Variants in MEOX2 observed in about 807,000 individuals in gnomAD.
MEOX2 encodes mesenchyme homeobox 2.
In MEOX2, 11 loss-of-function variants were observed where a neutral mutation model predicts 27.0. The ratio of observed to expected loss-of-function variants is 0.41; its 90% CI spans 0.26 to 0.68. The LOEUF is 0.68. Among genes scored for constraint, MEOX2 ranks in the 30% least tolerant of loss-of-function variants. MEOX2 has a pLI of 0.33. For synonymous variants in MEOX2, 189 were observed against 155.4 expected, an observed-to-expected ratio of 1.22 and a Z score of -1.61; for missense variants, 436 against 385.4, an observed-to-expected ratio of 1.13 and a Z score of -1.10.
At chr7:15,616,049 T>G (rs6461197) in intron 2 of MEOX2, among the ~76,000 whole-genome samples, 102,061 of 151,466 alleles carry the variant, frequency 0.67, 34,618 homozygotes, top group East Asian at 0.81. Context: ...CGTTGAAATT[T>G]TACCATTTTA....
intron 1 of MEOX2, among the ~76,000 whole-genome samples, chr7:15,653,648 T>C (rs1407690073): frequency 6.6e-6 from 1 of 152,016 alleles, no homozygotes; most frequent in East Asian, 1.9e-4. Context: ...TTTGATTTAA[T>C]TTTTGTATAA....
chr7:15,617,188 A>G (rs7793498), intron 2 of MEOX2, among the ~76,000 whole-genome samples: 102,255 of 151,880 alleles, frequency 0.67, 34,660 homozygotes, highest in East Asian at 0.81. Flanking sequence ...AAAACTAAAA[A>G]TTTCAGTGAC....
intron 1 of MEOX2, among the ~76,000 whole-genome samples, chr7:15,671,983 C>T (rs544866203): frequency 3.3e-5 from 5 of 151,916 alleles, no homozygotes; most frequent in East Asian, 3.9e-4. Context: ...ATCCCAGCTG[C>T]GTGGGTGGCT....
At chr7:15,645,799 G>C (rs1046860387) in intron 1 of MEOX2, among the ~76,000 whole-genome samples, 1 of 152,094 alleles carries the variant, frequency 6.6e-6, no homozygotes, top group Non-Finnish European at 1.5e-5. Flanking sequence ...TAAACAGAAG[G>C]GAAATGATCA....
intron 1 of MEOX2, among the ~76,000 whole-genome samples, chr7:15,660,263 T>G (rs1295917681): frequency 6.6e-6 from 1 of 152,164 alleles, no homozygotes; most frequent in Non-Finnish European, 1.5e-5. Flanking sequence ...AACTAGCCCA[T>G]GGAGAACACC....
At chr7:15,635,960 C>T (rs1010903764) in intron 1 of MEOX2, among the ~76,000 whole-genome samples, 7 of 151,940 alleles carry the variant, frequency 4.6e-5, no homozygotes, top group African/African-American at 1.7e-4. Flanking sequence ...CATAACCAAA[C>T]CTGGCATACC....
At chr7:15,645,632 G>T (rs1020459310) in intron 1 of MEOX2, among the ~76,000 whole-genome samples, 2 of 152,064 alleles carry the variant, frequency 1.3e-5, no homozygotes, top group Non-Finnish European at 1.5e-5. Context: ...AAACACCCTT[G>T]GTAGTTATTG....
At chr7:15,661,511 C>A (rs73288133) in intron 1 of MEOX2, among the ~76,000 whole-genome samples, 186 of 152,284 alleles carry the variant, frequency 1.2e-3, no homozygotes, top group African/African-American at 4.3e-3. Context: ...AGAAGTTCAT[C>A]ACTTTGCCAA....
intron 1 of MEOX2, among the ~76,000 whole-genome samples, chr7:15,649,680 C>T (rs1326128708): frequency 6.6e-6 from 1 of 151,982 alleles, no homozygotes; most frequent in African/African-American, 2.4e-5. Context: ...AATGCCATGT[C>T]GATGCCATGA....
In MEOX2 at chr7:15,627,259, T is replaced by C. The variant is rs575650605; in HGVS notation, c.518-341A>G. Among the ~76,000 whole-genome samples, 5 of 152,234 alleles carry C rather than the reference T, an allele frequency of 3.3e-5. No homozygotes were observed. In the South Asian group the frequency reaches 1.0e-3, roughly 32 times the overall value. ...ATATGAAGTTCTGTTTCATAAGTTG[T>C]TGAACATACGTACTTGAGGTCTAAG... On this transcript the variant is annotated intron_variant, in intron 1 of 2. Transcript: ENST00000262041.
At chr7:15,620,600 G>T (rs1242759813) in intron 2 of MEOX2, among the ~76,000 whole-genome samples, 1 of 151,924 alleles carries the variant, frequency 6.6e-6, no homozygotes, top group Non-Finnish European at 1.5e-5. Flanking sequence ...AAAAACAGCT[G>T]AGCAAAAGAC....
At chr7:15,617,095 T>G (rs1296017262) in intron 2 of MEOX2, among the ~76,000 whole-genome samples, 1 of 152,014 alleles carries the variant, frequency 6.6e-6, no homozygotes, top group Non-Finnish European at 1.5e-5. Context: ...GTTGAATCTA[T>G]ATAATGCAAT....
At chr7:15,661,631 A>T (rs1254822926) in intron 1 of MEOX2, among the ~76,000 whole-genome samples, 4 of 152,186 alleles carry the variant, frequency 2.6e-5, no homozygotes, top group Non-Finnish European at 5.9e-5. Context: ...GGCATTCTTG[A>T]TGCGTTTTCC....
At chr7:15,647,758 C>T (rs2115374878) in intron 1 of MEOX2, among the ~76,000 whole-genome samples, 1 of 152,154 alleles carries the variant, frequency 6.6e-6, no homozygotes, top group African/African-American at 2.4e-5. Context: ...CGTAGTTTCT[C>T]ATTTTAAAAG....
intron 1 of MEOX2, among the ~76,000 whole-genome samples, chr7:15,664,041 T>C (rs978683017): frequency 3.4e-4 from 51 of 152,076 alleles, no homozygotes; most frequent in Non-Finnish European, 6.6e-4. Context: ...TCAGATCAAG[T>C]TTTGTTTTTG....
At chr7:15,648,322 A>G (rs959789584) in intron 1 of MEOX2, among the ~76,000 whole-genome samples, 2 of 152,154 alleles carry the variant, frequency 1.3e-5, no homozygotes, top group African/African-American at 4.8e-5. Context: ...AATCGTAATA[A>G]ACGAGATTGC....
intron 1 of MEOX2, among the ~76,000 whole-genome samples, chr7:15,645,629 C>T (rs1460389880): frequency 6.6e-6 from 1 of 152,050 alleles, no homozygotes; most frequent in Non-Finnish European, 1.5e-5. Flanking sequence ...AAAAAACACC[C>T]TTGGTAGTTA....
intron 1 of MEOX2, among the ~76,000 whole-genome samples, chr7:15,638,687 C>A (rs1024110314): frequency 1.3e-5 from 2 of 151,942 alleles, no homozygotes; most frequent in African/African-American, 2.4e-5. Context: ...TCTTTGTGTC[C>A]ATGTGTGCCT....
intron 1 of MEOX2, among the ~76,000 whole-genome samples, chr7:15,639,552 T>TA (rs1228959507): frequency 6.6e-6 from 1 of 151,548 alleles, no homozygotes; most frequent in African/African-American, 2.4e-5. Context: ...GGCCAGTTTC[T>TA]AAAAAAGTTC....
Sources: allele counts gnomAD v4.1 joint callset (sites outside exome capture counted in the v4.1 genomes callset), GRCh38; gene constraint gnomAD v4.1.1; transcripts MANE v1.5; gene names NCBI Gene and HGNC (gene_info 2026-07-23, HGNC 2026-07-21).